The following TLR3 variants were observed in gnomAD, a reference collection of about 807,000 sequenced individuals.
TLR3 encodes toll-like receptor 3.
TLR3 carries 43 observed loss-of-function variants against 66.4 expected under a neutral mutation model. The observed-to-expected ratio is 0.65, with a 90% CI of 0.51 to 0.83. TLR3 has a LOEUF of 0.83. Among genes scored for constraint, TLR3 ranks in the 40% least tolerant of loss-of-function variants. The pLI is 0.00. For missense variants in TLR3, 982 were observed against 1,044.6 expected (o/e 0.94, Z 0.83); for synonymous variants, 397 against 397.2 (o/e 1.00, Z 0.01).
chr4:186,086,704 CAT>C lies in TLR3; in HGVS notation c.*1832_*1833del, dbSNP rs2099304420. The C allele has an allele frequency of 6.6e-6, 1 of 152,032 alleles. No homozygotes were observed. Among genetic ancestry groups the C allele is most frequent in the African/African-American group, 2.4e-5 (1 of 41,400 alleles). 9.4% of individuals were successfully genotyped at this position (152,032 alleles called of 1,614,324 possible). ...TATTCATAAGATATTTTAAATAAAT[CAT>C]TGTGAATTAGTCAATATATCAAGTT... On this transcript the variant is annotated 3_prime_UTR_variant, in exon 5 of 5. Transcript: ENST00000296795.
rs2099302521 is a variant in TLR3 at position 186,076,753 on chromosome 4, T to A, written c.134T>A (p.Val45Glu). 1 of 1,613,918 alleles carries A rather than the reference T, an allele frequency of 6.2e-7. No individual in the cohort carries two copies. The highest frequency in any genetic ancestry group is 1.3e-5 in the African/African-American group (1 of 74,870). Residue 45 changes from valine (V) to glutamate (E), a missense_variant, in exon 2 of 5, where the codon GTA becomes GAA. Physicochemically the swap from Val to Glu is moderately radical, Grantham distance 121. Coordinates refer to ENST00000296795, the MANE Select transcript of TLR3 (RefSeq NM_003265.3). ...ADCSHLKLTQ[V>E]PDDLPTNITV... ...TGCAGCCACCTGAAGTTGACTCAGG[T>A]ACCCGATGATCTACCCACAAACATA...
Position 186,084,706 on chromosome 4 carries a change from G to A in TLR3, c.2548G>A (p.Val850Ile), listed in dbSNP as rs1394317537. 6 of 1,613,790 alleles carry A rather than the reference G, an allele frequency of 3.7e-6. No homozygotes were observed. Among genetic ancestry groups the A allele is most frequent in the East Asian group, 4.5e-5 (2 of 44,862 alleles). ...IEQNLDSIIL[V>I]FLEEIPDYKL... ...ACAAAATCTGGATTCCATTATATTG[G>A]TTTTCCTTGAGGAGATTCCAGATTA... is the stretch of plus-strand genomic sequence containing the variant. The change falls in exon 5 of 5, where the codon GTT (valine) becomes ATT (isoleucine). Residue 850 changes from valine (V) to isoleucine (I), a missense_variant. Physicochemically the swap from Val to Ile is conservative, Grantham distance 29. Transcript: ENST00000296795.
Position 186,082,302 on chromosome 4 carries a change from T to G in TLR3, c.634-18T>G. The stretch of plus-strand genomic sequence containing the variant: ...GTGTTCTTTTGATTGTTAACCTCTT[T>G]TTTTTTCCTACCTTTAGTTTTCTCC... On this transcript the variant is annotated intron_variant, in intron 3 of 4. Coordinates refer to ENST00000296795, the MANE Select transcript of TLR3 (RefSeq NM_003265.3). The G allele has an allele frequency of 6.2e-7, 1 of 1,602,872 alleles. No individual in the cohort carries two copies. Among genetic ancestry groups the G allele is most frequent in the Non-Finnish European group, 8.5e-7 (1 of 1,173,554 alleles).
chr4:186,070,957 T>C (rs1487156063), intron 1 of TLR3, among the ~76,000 whole-genome samples: 1 of 152,198 alleles, frequency 6.6e-6, no homozygotes, highest in African/African-American at 2.4e-5. Context: ...CTACACCTTC[T>C]AAAGTGCCGG....
At chr4:186,076,513 G>T (rs2099302481) in intron 1 of TLR3, 100 bp from the exon 2 acceptor site, 1 of 1,102,900 alleles carries the variant, frequency 9.1e-7, no homozygotes, top group Non-Finnish European at 1.4e-6. Context: ...ATCATACATG[G>T]TCATATTTTG....
chr4:186,069,470 C>G (rs1214118220), intron 1 of TLR3, among the ~76,000 whole-genome samples: 2 of 152,128 alleles, frequency 1.3e-5, no homozygotes, highest in African/African-American at 2.4e-5. Flanking sequence ...GCACCAATAT[C>G]TAGTTAATGT....
intron 1 of TLR3, among the ~76,000 whole-genome samples, chr4:186,071,773 C>G (rs1044174189): frequency 6.6e-6 from 1 of 152,146 alleles, no homozygotes; most frequent in Admixed American, 6.5e-5. Flanking sequence ...TATATACTCA[C>G]ATTAGTTCTG....
chr4:186,077,983 G>A (rs934420337), intron 2 of TLR3, among the ~76,000 whole-genome samples: 18 of 152,158 alleles, frequency 1.2e-4, no homozygotes, highest in African/African-American at 2.9e-4. Context: ...ATGTACAAAT[G>A]TAAATATGCT....
Position 186,087,268 on chromosome 4 carries a change from C to T in TLR3, c.*2395C>T, listed in dbSNP as rs779756874. The T allele has an allele frequency of 9.9e-5, 15 of 152,104 alleles. No individual in the cohort carries two copies. Among genetic ancestry groups the T allele is most frequent in the Admixed American group, 3.9e-4 (6 of 15,260 alleles). The allele number at this position is 152,104 out of a possible 1,614,324, so 9.4% of individuals were successfully genotyped here. The stretch of plus-strand genomic sequence containing the variant: ...TTAATATTTAAGAGGTTAAGATGCA[C>T]AGGTAATGACCTCTAAATGAATGCC... On this transcript the variant is annotated 3_prime_UTR_variant, in exon 5 of 5. Transcript: ENST00000296795.
intron 2 of TLR3, among the ~76,000 whole-genome samples, chr4:186,077,454 A>G (rs2099302636): frequency 6.6e-6 from 1 of 152,226 alleles, no homozygotes; most frequent in Admixed American, 6.5e-5. Context: ...TGATACAATG[A>G]TCAAGTGAAT....
Position 186,084,715 on chromosome 4 carries a change from G to A in TLR3, c.2557G>A (p.Glu853Lys). The change falls in exon 5 of 5, where the codon GAG becomes AAG. Residue 853 changes from glutamate (E) to lysine (K), a missense_variant. Glu to Lys is a moderately conservative substitution (Grantham distance 56). Around this residue, in one of 3 missense-constraint regions of TLR3, gnomAD observed 666 missense variants for 709.0 expected, o/e 0.94. Coordinates refer to ENST00000296795, the MANE Select transcript of TLR3 (RefSeq NM_003265.3). ...GGATTCCATTATATTGGTTTTCCTT[G>A]AGGAGATTCCAGATTATAAACTGAA... ...NLDSIILVFLEEIPDYKLNHA... is the reference protein window; with the variant it reads ...NLDSIILVFLKEIPDYKLNHA... 6.2e-7 allele frequency: 1 copy of A among 1,613,970 alleles called. No individual in the cohort carries two copies. Among genetic ancestry groups the A allele is most frequent in the Non-Finnish European group, 8.5e-7 (1 of 1,179,968 alleles).
chr4:186,083,367 C>T lies in TLR3; in HGVS notation c.1681C>T (p.Leu561=), dbSNP rs145252794. ...PGGPIYFLKG[L]SHLHILNLES... ...TGGTCCCATTTATTTCCTAAAGGGT[C>T]TGTCTCACCTCCACATCCTTAACTT... The change falls in exon 4 of 5, where the codon CTG becomes TTG. Residue 561 remains leucine (L), a synonymous_variant. Transcript: ENST00000296795. The surrounding 1 kb of genome is among the most constrained non-coding windows in gnomAD (Gnocchi z 4.0). 18 of 1,614,092 alleles carry T rather than the reference C, an allele frequency of 1.1e-5. No homozygotes were observed. The highest frequency in any genetic ancestry group is 1.4e-5 in the Non-Finnish European group (16 of 1,180,048).
In TLR3 at chr4:186,084,626, A is replaced by C. The variant is rs2099304077; in HGVS notation, c.2487-19A>C. 1 of 1,510,012 alleles carries C rather than the reference A, an allele frequency of 6.6e-7. No individual in the cohort carries two copies. Among genetic ancestry groups the C allele is most frequent in the Non-Finnish European group, 9.2e-7 (1 of 1,087,222 alleles). 93.5% of individuals were successfully genotyped at this position (1,510,012 alleles called of 1,614,324 possible). On this transcript the variant is annotated intron_variant, in intron 4 of 4. Coordinates refer to ENST00000296795, the MANE Select transcript of TLR3 (RefSeq NM_003265.3). ...GTTAAAAACCGTATATTAATTCTTCAATACATTTTTTTACTTAGATTCAAG... is the reference window on the plus strand; with the variant it reads ...GTTAAAAACCGTATATTAATTCTTCCATACATTTTTTTACTTAGATTCAAG...
intron 2 of TLR3, among the ~76,000 whole-genome samples, chr4:186,077,952 C>T (rs2099302731): frequency 6.6e-6 from 1 of 152,140 alleles, no homozygotes; most frequent in South Asian, 2.1e-4. Context: ...GAACATTGCT[C>T]TTCCTCAGAT....
intron 2 of TLR3, among the ~76,000 whole-genome samples, chr4:186,077,576 A>G (rs909760431): frequency 2.6e-5 from 4 of 152,028 alleles, no homozygotes; most frequent in African/African-American, 9.7e-5. Context: ...TCTTTTCAAA[A>G]CTTTGCTCGA....
chr4:186,084,298 G>A, intron 4 of TLR3, 126 bp downstream of exon 4: 2 of 975,162 alleles, frequency 2.1e-6, no homozygotes, highest in South Asian at 1.6e-5. Context: ...TCAGCTTACT[G>A]CAGCCTCCAC....
rs145921610 is a variant in TLR3, at chr4:186,083,576, C to T, written c.1890C>T (p.Phe630=). Residue 630 remains phenylalanine (F), a synonymous_variant, in exon 4 of 5, where the codon TTC becomes TTT. Transcript: ENST00000296795. The surrounding 1 kb of genome is among the most constrained non-coding windows in gnomAD (Gnocchi z 4.0). ...NLITSVEKKV[F]GPAFRNLTEL... ...TAACATCCGTTGAGAAGAAGGTTTT[C>T]GGGCCAGCTTTCAGGAACCTGACTG... 21 of 1,612,772 alleles carry T rather than the reference C, an allele frequency of 1.3e-5. No homozygotes were observed. The highest frequency in any genetic ancestry group is 1.2e-4 in the African/African-American group (9 of 74,866).
rs377028149 is a variant in TLR3 at position 186,082,987 on chromosome 4, A to G, written c.1301A>G (p.Glu434Gly). The G allele has an allele frequency of 1.4e-5, 22 of 1,614,084 alleles. No homozygotes were observed. The highest frequency in any genetic ancestry group is 1.8e-5 in the Non-Finnish European group (21 of 1,180,046). Residue 434 changes from glutamate (E) to glycine (G), a missense_variant, in exon 4 of 5, where the codon GAA becomes GGA. Coordinates refer to ENST00000296795, the MANE Select transcript of TLR3 (RefSeq NM_003265.3). ...SDAFSWLGHLEVLDLGLNEIG... is the reference protein window; with the variant it reads ...SDAFSWLGHLGVLDLGLNEIG... The stretch of plus-strand genomic sequence containing the variant: ...GCTTTCTCTTGGTTGGGCCACCTAG[A>G]AGTACTTGACCTGGGCCTTAATGAA...
intron 3 of TLR3, among the ~76,000 whole-genome samples, chr4:186,079,699 G>A (rs1167038509): frequency 6.6e-6 from 1 of 152,202 alleles, no homozygotes; most frequent in East Asian, 1.9e-4. Flanking sequence ...TCACGGGAGA[G>A]CAACAACTAT....
Sources: allele counts gnomAD v4.1 joint callset (sites outside exome capture counted in the v4.1 genomes callset), GRCh38; gene constraint gnomAD v4.1.1; regional missense constraint gnomAD v4.1.1; non-coding constraint Gnocchi (gnomAD v3.1); transcripts MANE v1.5; gene names NCBI Gene and HGNC (gene_info 2026-07-23, HGNC 2026-07-21).